The following TAS2R1 variants were observed in gnomAD, a reference collection of about 807,000 sequenced individuals.
TAS2R1 encodes taste receptor type 2 member 1.
For missense variants in TAS2R1, 370 were observed against 353.4 expected (o/e 1.05, Z -0.38); for synonymous variants, 141 against 134.2 (o/e 1.05, Z -0.35).
At chr5:9,758,761 T>TC in the TAS2R1 span, among the ~76,000 whole-genome samples, 1 of 152,044 alleles carries the variant, frequency 6.6e-6, no homozygotes, top group Non-Finnish European at 1.5e-5. Context: ...AAGAAAAGAC[T>TC]CCCCCAGGCT....
At chr5:9,671,820 G>C (rs1417253368) in intron 1 of TAS2R1, among the ~76,000 whole-genome samples, 1 of 151,804 alleles carries the variant, frequency 6.6e-6, no homozygotes, top group Non-Finnish European at 1.5e-5. Context: ...CCAAAAAAGA[G>C]CTCCAATAGC....
upstream of TAS2R1, among the ~76,000 whole-genome samples, chr5:9,633,561 A>C (rs1739916804): frequency 1.3e-5 from 2 of 151,988 alleles, no homozygotes; most frequent in South Asian, 4.1e-4. Context: ...TTACATTCCC[A>C]CCAGCAGTGT....
At chr5:9,837,973 C>T in the TAS2R1 span, among the ~76,000 whole-genome samples, 1 of 152,170 alleles carries the variant, frequency 6.6e-6, no homozygotes, top group African/African-American at 2.4e-5. Flanking sequence ...TCTCTTTACT[C>T]AAATATCTGT....
chr5:9,812,443 T>C, the TAS2R1 span, among the ~76,000 whole-genome samples: 6 of 152,112 alleles, frequency 3.9e-5, no homozygotes, highest in South Asian at 2.1e-4. Context: ...CAGCAGATGA[T>C]TGGGCTCTAA....
the TAS2R1 span, among the ~76,000 whole-genome samples, chr5:9,745,246 G>C: frequency 2.0e-5 from 3 of 152,246 alleles, no homozygotes; most frequent in South Asian, 4.1e-4. Context: ...AGAGGGAGAA[G>C]TCAATGGGAT....
the TAS2R1 span, among the ~76,000 whole-genome samples, chr5:9,824,157 C>A: frequency 2.0e-5 from 3 of 152,224 alleles, no homozygotes; most frequent in Admixed American, 6.5e-5. Context: ...ACCAGCTTTC[C>A]GTCTTCTGCG....
chr5:9,743,848 T>A, the TAS2R1 span, among the ~76,000 whole-genome samples: 1 of 152,136 alleles, frequency 6.6e-6, no homozygotes, highest in Non-Finnish European at 1.5e-5. Context: ...AGGGAAAAAA[T>A]TCTCTTTGGA....
At chr5:9,743,124 C>T in the TAS2R1 span, among the ~76,000 whole-genome samples, 53 of 152,048 alleles carry the variant, frequency 3.5e-4, no homozygotes, top group African/African-American at 1.3e-3. Flanking sequence ...AGACAACCTG[C>T]GAAGACACTA....
intron 1 of TAS2R1, among the ~76,000 whole-genome samples, chr5:9,671,779 G>GA (rs529895945): frequency 4.6e-5 from 7 of 151,234 alleles, no homozygotes; most frequent in East Asian, 3.9e-4. Context: ...CACAAAACTA[G>GA]AAAAAAAACT....
chr5:9,797,690 C>T, the TAS2R1 span, among the ~76,000 whole-genome samples: 10 of 152,054 alleles, frequency 6.6e-5, no homozygotes, highest in East Asian at 3.9e-4. Flanking sequence ...AGGTTGTTGA[C>T]GATGATGCCA....
the TAS2R1 span, among the ~76,000 whole-genome samples, chr5:9,717,687 T>A: frequency 1.6e-5 from 2 of 122,316 alleles, no homozygotes; most frequent in Admixed American, 1.6e-4. Context: ...AAGGAAAAGA[T>A]GAAAAAAAAG....
At chr5:9,839,837 C>T in the TAS2R1 span, among the ~76,000 whole-genome samples, 2 of 152,008 alleles carry the variant, frequency 1.3e-5, no homozygotes, top group Admixed American at 6.6e-5. Context: ...TCCTGCCTTC[C>T]ATATTTAACT....
At chr5:9,832,400 G>C in the TAS2R1 span, among the ~76,000 whole-genome samples, 1 of 152,206 alleles carries the variant, frequency 6.6e-6, no homozygotes, top group Non-Finnish European at 1.5e-5. Flanking sequence ...GTGCATTCAT[G>C]TTTCAAGGTT....
chr5:9,652,366 G>A (rs1349872604), intron 2 of TAS2R1, among the ~76,000 whole-genome samples: 3 of 152,168 alleles, frequency 2.0e-5, no homozygotes. Flanking sequence ...GTGTGTCTCT[G>A]TGACAAAGTC....
At chr5:9,646,745 CT>C (rs1247773055) in intron 2 of TAS2R1, among the ~76,000 whole-genome samples, 1 of 152,050 alleles carries the variant, frequency 6.6e-6, no homozygotes, top group Non-Finnish European at 1.5e-5. Flanking sequence ...TTGTGCCTTG[CT>C]TTGATTTTCC....
the TAS2R1 span, among the ~76,000 whole-genome samples, chr5:9,733,856 A>G: frequency 1.3e-5 from 2 of 152,008 alleles, no homozygotes; most frequent in African/African-American, 4.8e-5. Flanking sequence ...TAAAAATTGC[A>G]TTGCTTTTTT....
chr5:9,889,088 C>T, the TAS2R1 span, among the ~76,000 whole-genome samples: 5 of 152,190 alleles, frequency 3.3e-5, no homozygotes, highest in Non-Finnish European at 5.9e-5. Flanking sequence ...TTAAAAACAC[C>T]CTTAAACTAT....
chr5:9,782,500 C>T, the TAS2R1 span, among the ~76,000 whole-genome samples: 6 of 152,194 alleles, frequency 3.9e-5, no homozygotes, highest in Admixed American at 2.0e-4. Flanking sequence ...ATATTAAGCC[C>T]TGACTTGCTG....
the TAS2R1 span, among the ~76,000 whole-genome samples, chr5:9,866,556 G>A: frequency 1.3e-5 from 2 of 152,102 alleles, no homozygotes; most frequent in African/African-American, 4.8e-5. Context: ...GTCTGGGACT[G>A]AGCTGATTAG....
Sources: gnomAD v4.1 joint callset for allele counts (sites outside exome capture counted in the v4.1 genomes callset) on GRCh38, gnomAD v4.1.1 for gene constraint, MANE v1.5 for transcripts, NCBI Gene and HGNC (gene_info 2026-07-23, HGNC 2026-07-21) for gene names.